Variants in TDRD7 observed in about 807,000 individuals in gnomAD.
The protein encoded by TDRD7 is tudor domain containing 7.
Under a neutral mutation model 109.8 loss-of-function variants are expected in TDRD7, and 47 were observed. That is an observed-to-expected ratio of 0.43 (90% confidence interval 0.34 to 0.55). TDRD7 has a LOEUF of 0.55. Ranked by LOEUF, TDRD7 falls within the 20% of genes least tolerant of loss-of-function variation. The pLI, the probability that TDRD7 is intolerant of heterozygous loss-of-function variation, is 0.03. For synonymous variants in TDRD7, 424 were observed against 457.3 expected, an observed-to-expected ratio of 0.93 and a Z score of 0.93; for missense variants, 1,164 against 1,319.2, an observed-to-expected ratio of 0.88 and a Z score of 1.82.
intron 6 of TDRD7, among the ~76,000 whole-genome samples, chr9:97,457,388 T>A (rs142057162): frequency 0.011 from 1,661 of 150,990 alleles, 16 homozygotes; most frequent in South Asian, 0.027. Flanking sequence ...ATATATATAT[T>A]TTTTTTTTGA....
chr9:97,481,591 C>T (rs1829117417), intron 14 of TDRD7, among the ~76,000 whole-genome samples: 1 of 152,010 alleles, frequency 6.6e-6, no homozygotes, highest in South Asian at 2.1e-4. Flanking sequence ...TTCATGAAGA[C>T]CTCTAAATTA....
At chr9:97,492,228 A>T (rs1829320543) in intron 16 of TDRD7, among the ~76,000 whole-genome samples, 1 of 152,174 alleles carries the variant, frequency 6.6e-6, no homozygotes, top group African/African-American at 2.4e-5. Flanking sequence ...TAAGCTCTTT[A>T]CATGCCAGAT....
At chr9:97,466,936 A>G (rs995783911) in intron 8 of TDRD7, among the ~76,000 whole-genome samples, 2 of 152,206 alleles carry the variant, frequency 1.3e-5, no homozygotes, top group Non-Finnish European at 2.9e-5. Flanking sequence ...TCTTTTATTC[A>G]GTGTAAATTA....
intron 7 of TDRD7, among the ~76,000 whole-genome samples, chr9:97,463,959 G>A (rs1301153805): frequency 6.6e-6 from 1 of 152,140 alleles, no homozygotes; most frequent in Non-Finnish European, 1.5e-5. Context: ...TAAGTTTGGA[G>A]GGGGGGTGTC....
At chr9:97,488,836 C>G (rs1829256545) in intron 16 of TDRD7, among the ~76,000 whole-genome samples, 1 of 152,202 alleles carries the variant, frequency 6.6e-6, no homozygotes, top group African/African-American at 2.4e-5. Context: ...CTGCATCCCA[C>G]AAGTTTTGAT....
chr9:97,487,377 T>C (rs940370289), intron 16 of TDRD7, 45 bp downstream of exon 16: 3 of 1,612,912 alleles, frequency 1.9e-6, no homozygotes, highest in Non-Finnish European at 2.5e-6. Context: ...AATGCAATAT[T>C]GTCATTTTAT....
Position 97,495,672 on chromosome 9 carries a change from G to T in TDRD7, c.3086G>T (p.Cys1029Phe), listed in dbSNP as rs1005633245. The change falls in exon 17 of 17, where the codon TGC becomes TTC. Residue 1029 changes from cysteine (C) to phenylalanine (F), a missense_variant. Transcript: ENST00000355295. ...AVTAQLAGVKCNQWSEEASMV... is the reference protein window; with the variant it reads ...AVTAQLAGVKFNQWSEEASMV... Reference sequence around the variant, plus strand: ...CCTCTCTTCCTCCTAGGAGTGAAGTGCAACCAGTGGTCTGAGGAGGCTTCT... The same window carrying T: ...CCTCTCTTCCTCCTAGGAGTGAAGTTCAACCAGTGGTCTGAGGAGGCTTCT... 13 of 1,614,086 alleles carry T rather than the reference G, an allele frequency of 8.1e-6. No homozygotes were observed. Among genetic ancestry groups the T allele is most frequent in the Non-Finnish European group, 1.1e-5 (13 of 1,179,986 alleles).
At chr9:97,491,675 C>T (rs1387842374) in intron 16 of TDRD7, among the ~76,000 whole-genome samples, 1 of 152,112 alleles carries the variant, frequency 6.6e-6, no homozygotes, top group Non-Finnish European at 1.5e-5. Flanking sequence ...AGCAGGATGG[C>T]TAGAGGGGAG....
In TDRD7 at chr9:97,432,112, A is replaced by G. The variant is rs139696600; in HGVS notation, c.437A>G (p.Lys146Arg). Residue 146 changes from lysine (K) to arginine (R), a missense_variant, in exon 4 of 17, where the codon AAA becomes AGA. Around this residue, in one of 5 missense-constraint regions of TDRD7, gnomAD observed 407 missense variants for 394.0 expected, o/e 1.03. Coordinates refer to ENST00000355295, the MANE Select transcript of TDRD7 (RefSeq NM_014290.3). ...CCTAATCCAGCACCGTTAAGAGACA[A>G]AGGAAACTCTGTTGGAGTTAAGCCT... Reference protein sequence around the residue: ...KKPNPAPLRDKGNSVGVKPDA... With the variant: ...KKPNPAPLRDRGNSVGVKPDA... The G allele has an allele frequency of 3.3e-4, 526 of 1,613,876 alleles. 1 individual carries two copies. The African/African-American group carries it at 5.9e-3, about 18-fold the overall frequency.
chr9:97,493,066 C>G (rs1489157781), intron 16 of TDRD7, among the ~76,000 whole-genome samples: 2 of 152,026 alleles, frequency 1.3e-5, no homozygotes, highest in Admixed American at 6.6e-5. Flanking sequence ...TAAGTGGAAC[C>G]CATGGGAATG....
In TDRD7 at chr9:97,475,476, A is replaced by G. The variant is rs1587888831; in HGVS notation, c.2166+7A>G. On this transcript the variant is annotated splice_region_variant and intron_variant, in intron 12 of 16. Coordinates refer to ENST00000355295, the MANE Select transcript of TDRD7 (RefSeq NM_014290.3). ...AAAATGGTTACGAGTAGAGGTAAAA[A>G]TCAGTCACTTGGCTTTTTAATCTTA... is the stretch of plus-strand genomic sequence containing the variant. 1 of 1,600,272 alleles carries G rather than the reference A, an allele frequency of 6.2e-7. No homozygotes were observed.
At chr9:97,469,759 G>A (rs1231423103) in intron 8 of TDRD7, among the ~76,000 whole-genome samples, 1 of 151,988 alleles carries the variant, frequency 6.6e-6, no homozygotes. Context: ...TCAAAAAAAG[G>A]CTTTGTGTTT....
intron 6 of TDRD7, among the ~76,000 whole-genome samples, chr9:97,444,355 G>A (rs1025231437): frequency 6.6e-6 from 1 of 152,206 alleles, no homozygotes; most frequent in Non-Finnish European, 1.5e-5. Context: ...TCATATTGAT[G>A]TCTACTGATA....
At chr9:97,472,565 C>T in intron 10 of TDRD7, 70 bp downstream of exon 10, 1 of 1,261,508 alleles carries the variant, frequency 7.9e-7, no homozygotes, top group Non-Finnish European at 1.2e-6. Flanking sequence ...GAATATTATA[C>T]ATTTTAGGCT....
chr9:97,420,658 T>A (rs58008468), intron 1 of TDRD7, among the ~76,000 whole-genome samples: 11,102 of 152,212 alleles, frequency 0.073, 648 homozygotes, highest in African/African-American at 0.16. Context: ...GCGCTACTAG[T>A]TTGGTTTATC....
chr9:97,449,342 C>G (rs1359326041), intron 6 of TDRD7, among the ~76,000 whole-genome samples: 2 of 152,132 alleles, frequency 1.3e-5, no homozygotes, highest in African/African-American at 4.8e-5. Context: ...AAGGCTCAAT[C>G]CCCAAAATTG....
chr9:97,453,394 A>G (rs1828535283), intron 6 of TDRD7, among the ~76,000 whole-genome samples: 1 of 152,152 alleles, frequency 6.6e-6, no homozygotes, highest in South Asian at 2.1e-4. Context: ...AAGAAAGCTG[A>G]CTAGAAGCAG....
chr9:97,468,558 G>A lies in TDRD7; in HGVS notation c.1630-2000G>A, dbSNP rs111654931. On this transcript the variant is annotated intron_variant, in intron 8 of 16. Coordinates refer to ENST00000355295, the MANE Select transcript of TDRD7 (RefSeq NM_014290.3). ...CAGAGATGATTTCTCCCTTTATTTGGAGAAACCCCAGCTACTTAGCACCAG... is the reference window on the plus strand; with the variant it reads ...CAGAGATGATTTCTCCCTTTATTTGAAGAAACCCCAGCTACTTAGCACCAG... 8.0e-3 allele frequency among the ~76,000 whole-genome samples: 1,218 copies of A among 152,278 alleles called. 42 individuals are homozygous for A. The East Asian group carries it at 0.11, about 13-fold the overall frequency.
intron 8 of TDRD7, among the ~76,000 whole-genome samples, chr9:97,465,797 A>G (rs939213779): frequency 6.6e-6 from 1 of 152,050 alleles, no homozygotes; most frequent in Non-Finnish European, 1.5e-5. Context: ...TGGGCCTGCT[A>G]CTTGATAGAG....
Sources: allele counts gnomAD v4.1 joint callset (sites outside exome capture counted in the v4.1 genomes callset), GRCh38; gene constraint gnomAD v4.1.1; regional missense constraint gnomAD v4.1.1; transcripts MANE v1.5; gene names NCBI Gene and HGNC (gene_info 2026-07-23, HGNC 2026-07-21).